YY1: variants seen among roughly 807,000 people sequenced by gnomAD.
YY1 encodes transcriptional repressor protein YY1.
In YY1, 2 loss-of-function variants were observed where a neutral mutation model predicts 35.6. That is an observed-to-expected ratio of 0.06 (90% CI 0.02 to 0.18). The LOEUF is 0.18. Among genes scored for constraint, YY1 ranks in the 10% least tolerant of loss-of-function variants. The probability of loss-of-function intolerance (pLI) is 1.00; values close to 1 mark genes in which losing one functional copy is unlikely to be tolerated. For synonymous variants in YY1, 268 were observed against 238.9 expected, an observed-to-expected ratio of 1.12 and a Z score of -1.12; for missense variants, 322 against 573.4, an observed-to-expected ratio of 0.56 and a Z score of 4.48.
intron 2 of YY1, among the ~76,000 whole-genome samples, chr14:100,267,447 G>T (rs1162313991): frequency 2.0e-5 from 3 of 152,108 alleles, no homozygotes; most frequent in African/African-American, 7.2e-5. Flanking sequence ...CGCCTTGACA[G>T]TGTAAAAAGT....
At chr14:100,244,038 G>A (rs921885781) in intron 1 of YY1, among the ~76,000 whole-genome samples, 4 of 151,648 alleles carry the variant, frequency 2.6e-5, no homozygotes, top group African/African-American at 9.7e-5. Flanking sequence ...AACACGGGAG[G>A]CGGAGCTTGC....
intron 1 of YY1, among the ~76,000 whole-genome samples, chr14:100,243,616 G>C (rs980314288): frequency 4.4e-4 from 67 of 152,034 alleles, no homozygotes; most frequent in African/African-American, 1.5e-3. Context: ...AATATAGTGA[G>C]ACCCCGTCTC....
rs759996642 is a variant in YY1, at chr14:100,239,502, G to A, written c.258G>A (p.Leu86=). Residue 86 remains leucine, a synonymous_variant, in exon 1 of 5, where the codon CTG becomes CTA. Coordinates refer to ENST00000262238, the MANE Select transcript of YY1 (RefSeq NM_003403.5). ...HHHHHPPMIA[L]QPLVTDDPTQ... ...ACCACCACCCGCCCATGATCGCTCT[G>A]CAGCCGCTGGTCACCGACGACCCGA... is the stretch of plus-strand genomic sequence containing the variant. 1 of 1,610,186 alleles carries A rather than the reference G, an allele frequency of 6.2e-7. No individual in the cohort carries two copies. The highest frequency in any genetic ancestry group is 8.5e-7 in the Non-Finnish European group (1 of 1,179,194).
At chr14:100,243,620 C>T (rs1290149748) in intron 1 of YY1, among the ~76,000 whole-genome samples, 1 of 151,732 alleles carries the variant, frequency 6.6e-6, no homozygotes, top group Non-Finnish European at 1.5e-5. Context: ...TAGTGAGACC[C>T]CGTCTCTGCA....
chr14:100,242,378 G>GTTTTTT (rs57406488), intron 1 of YY1, among the ~76,000 whole-genome samples: 51 of 109,844 alleles, frequency 4.6e-4, no homozygotes, highest in Non-Finnish European at 6.6e-4. Context: ...TTTGTTTTTT[G>GTTTTTT]TTTTTTTTTT....
chr14:100,277,965 T>TA lies in YY1; in HGVS notation c.*366dup, dbSNP rs1891349106. On this transcript the variant is annotated 3_prime_UTR_variant, in exon 5 of 5. Transcript: ENST00000262238. The surrounding 1 kb of genome is among the most constrained non-coding windows in gnomAD (Gnocchi z 5.6). The stretch of plus-strand genomic sequence containing the variant: ...ATAAATATGAAGCTCACCTGTTGCT[T>TA]ACAATTTTTTTAATTTTGTATTTTC... The TA allele has an allele frequency of 4.4e-6, 1 of 229,358 alleles. No homozygotes were observed. Among genetic ancestry groups the TA allele is most frequent in the Admixed American group, 5.2e-5 (1 of 19,106 alleles). 14.2% of individuals were successfully genotyped at this position (229,358 alleles called of 1,614,324 possible). A position where few individuals can be genotyped will look rare whatever the true frequency, so the allele number is the denominator to read the frequency against.
At chr14:100,249,007 A>G (rs749034573) in intron 1 of YY1, among the ~76,000 whole-genome samples, 1 of 150,268 alleles carries the variant, frequency 6.7e-6, no homozygotes, top group African/African-American at 2.4e-5. Context: ...CTTAATAGCC[A>G]TTCAGTTACT....
intron 1 of YY1, among the ~76,000 whole-genome samples, chr14:100,246,871 C>T (rs1473567920): frequency 6.6e-6 from 1 of 152,198 alleles, no homozygotes; most frequent in Non-Finnish European, 1.5e-5. Flanking sequence ...ACCCCCATGA[C>T]CTACATAGGG....
At chr14:100,269,352 C>T (rs560053649) in intron 2 of YY1, among the ~76,000 whole-genome samples, 5 of 152,272 alleles carry the variant, frequency 3.3e-5, no homozygotes, top group African/African-American at 1.2e-4. Flanking sequence ...TTACAGTTTG[C>T]TCAAGGTCAT....
At chr14:100,257,321 C>T (rs1390117076) in intron 1 of YY1, among the ~76,000 whole-genome samples, 1 of 152,164 alleles carries the variant, frequency 6.6e-6, no homozygotes, top group African/African-American at 2.4e-5. Flanking sequence ...ATGCCAGGCA[C>T]ATAGGAGGCC....
At chr14:100,240,774 A>AT (rs1352777557) in intron 1 of YY1, among the ~76,000 whole-genome samples, 8 of 151,044 alleles carry the variant, frequency 5.3e-5, no homozygotes, top group Non-Finnish European at 2.9e-5. Context: ...AATAATTCTT[A>AT]GTCACTTACG....
intron 2 of YY1, among the ~76,000 whole-genome samples, chr14:100,267,277 C>T (rs1296755498): frequency 6.6e-6 from 1 of 152,134 alleles, no homozygotes; most frequent in African/African-American, 2.4e-5. Context: ...CTTGCAGCTC[C>T]TATGTTGTAT....
At chr14:100,244,967 C>T (rs937141680) in intron 1 of YY1, among the ~76,000 whole-genome samples, 9 of 151,580 alleles carry the variant, frequency 5.9e-5, no homozygotes, top group Admixed American at 4.6e-4. Flanking sequence ...GACAGAATCT[C>T]GCTCTGTCAC....
intron 1 of YY1, among the ~76,000 whole-genome samples, chr14:100,251,861 CAA>C (rs1890930334): frequency 6.6e-6 from 1 of 152,200 alleles, no homozygotes; most frequent in African/African-American, 2.4e-5. Flanking sequence ...TTCCTGGCCT[CAA>C]GAGATCCTCC....
At position 100,280,773 on chromosome 14, in the gene YY1, C is replaced by G. The variant is rs976114169; in HGVS notation, c.*3173C>G. The stretch of plus-strand genomic sequence containing the variant: ...GAGAGTCACTTCCAGTCGGGGGAAG[C>G]CCGCCTGAGCAGTGTTTTGAGAGTG... On this transcript the variant is annotated 3_prime_UTR_variant, in exon 5 of 5. Coordinates refer to ENST00000262238, the MANE Select transcript of YY1 (RefSeq NM_003403.5). 3 of 152,094 alleles carry G rather than the reference C, an allele frequency of 2.0e-5. No homozygotes were observed. Among genetic ancestry groups the G allele is most frequent in the African/African-American group, 7.2e-5 (3 of 41,396 alleles). 9.4% of individuals were successfully genotyped at this position (152,094 alleles called of 1,614,324 possible).
intron 1 of YY1, among the ~76,000 whole-genome samples, chr14:100,245,548 A>G (rs1890819424): frequency 6.6e-6 from 1 of 152,148 alleles, no homozygotes; most frequent in African/African-American, 2.4e-5. Context: ...GGGGCACAGT[A>G]CTATATATTT....
At position 100,239,674 on chromosome 14, in the gene YY1, G is replaced by C. The variant is rs770164761; in HGVS notation, c.430G>C (p.Asp144His). 6.2e-7 allele frequency: 1 copy of C among 1,608,242 alleles called. No individual in the cohort carries two copies. The highest frequency in any genetic ancestry group is 8.5e-7 in the Non-Finnish European group (1 of 1,179,476). ...PVPAPAGGDD[D>H]YIEQTLVTVA... is the part of the protein sequence containing the mutation. ...GCCCGCGCCGGCCGGCGGCGACGAC[G>C]ACTACATTGAACAAACGCTGGTCAC... Residue 144 changes from aspartate to histidine, a missense_variant, in exon 1 of 5, where the codon GAC becomes CAC. Asp to His is a moderately conservative substitution (Grantham distance 81). Coordinates refer to ENST00000262238, the MANE Select transcript of YY1 (RefSeq NM_003403.5).
At chr14:100,255,444 C>T (rs1018788751) in intron 1 of YY1, among the ~76,000 whole-genome samples, 13 of 151,922 alleles carry the variant, frequency 8.6e-5, no homozygotes, top group Admixed American at 5.2e-4. Flanking sequence ...CATGGTGAAA[C>T]CCCATCTCTG....
chr14:100,275,558 G>A (rs1345169665), intron 3 of YY1, among the ~76,000 whole-genome samples: 3 of 152,174 alleles, frequency 2.0e-5, no homozygotes, highest in Non-Finnish European at 4.4e-5. Flanking sequence ...CTTCTCTGAA[G>A]TTTTCTTTAT....
Sources: allele counts gnomAD v4.1 joint callset (sites outside exome capture counted in the v4.1 genomes callset), GRCh38; gene constraint gnomAD v4.1.1; non-coding constraint Gnocchi (gnomAD v3.1); transcripts MANE v1.5; gene names NCBI Gene and HGNC (gene_info 2026-07-23, HGNC 2026-07-21).